Variants in MECOM observed in about 807,000 individuals in gnomAD.
MECOM encodes MDS1 and EVI1 complex locus.
In MECOM, 13 loss-of-function variants were observed where a neutral mutation model predicts 116.3. The ratio of observed to expected loss-of-function variants is 0.11; its 90% CI spans 0.07 to 0.18. The LOEUF (loss-of-function observed/expected upper bound fraction) is 0.18, where lower values mean the gene tolerates loss of function less well. Among genes scored for constraint, MECOM ranks in the 10% least tolerant of loss-of-function variants. The pLI is 1.00. For synonymous variants in MECOM, 528 were observed against 535.2 expected, an observed-to-expected ratio of 0.99 and a Z score of 0.19; for missense variants, 1,299 against 1,509.0, an observed-to-expected ratio of 0.86 and a Z score of 2.31.
chr3:169,318,295 T>G (rs1720141391), intron 2 of MECOM, among the ~76,000 whole-genome samples: 1 of 152,046 alleles, frequency 6.6e-6, no homozygotes, highest in Non-Finnish European at 1.5e-5. Context: ...CTAAAGAGCT[T>G]CTGCACAGCA....
intron 1 of MECOM, among the ~76,000 whole-genome samples, chr3:169,416,584 C>G (rs1193811749): frequency 6.6e-6 from 1 of 151,206 alleles, no homozygotes; most frequent in African/African-American, 2.4e-5. Context: ...TCAATGAATC[C>G]AGGAGCTGTT....
chr3:169,298,983 A>C (rs1163268040), intron 2 of MECOM, among the ~76,000 whole-genome samples: 1 of 152,228 alleles, frequency 6.6e-6, no homozygotes, highest in Non-Finnish European at 1.5e-5. Flanking sequence ...CATGGATATA[A>C]GATTCTGGGA....
At chr3:169,502,696 G>A (rs1464419963) in intron 1 of MECOM, among the ~76,000 whole-genome samples, 1 of 152,030 alleles carries the variant, frequency 6.6e-6, no homozygotes, top group East Asian at 1.9e-4. Context: ...TTTTCCAATG[G>A]TAAAAATGGC....
chr3:169,316,365 A>G (rs999152907), intron 2 of MECOM, among the ~76,000 whole-genome samples: 4 of 152,224 alleles, frequency 2.6e-5, no homozygotes, highest in Admixed American at 1.3e-4. Flanking sequence ...CCCAGATACT[A>G]AACAGTTTCA....
chr3:169,122,431 G>A (rs1731338861), intron 6 of MECOM, 149 bp downstream of exon 6: 1 of 823,914 alleles, frequency 1.2e-6, no homozygotes, highest in Non-Finnish European at 1.9e-6. Flanking sequence ...CTCTACTAAT[G>A]CCTTTTAGCA....
chr3:169,234,416 G>A (rs1753778728), intron 2 of MECOM, among the ~76,000 whole-genome samples: 1 of 151,414 alleles, frequency 6.6e-6, no homozygotes. Context: ...AGCAAATGAT[G>A]GAAAGAGAAA....
chr3:169,404,485 C>T (rs981223504), intron 1 of MECOM, among the ~76,000 whole-genome samples: 4 of 152,156 alleles, frequency 2.6e-5, no homozygotes, highest in African/African-American at 9.7e-5. Flanking sequence ...ACAAACCCAG[C>T]CAAACATAAA....
intron 1 of MECOM, among the ~76,000 whole-genome samples, chr3:169,619,225 C>G (rs900029264): frequency 6.6e-6 from 1 of 152,226 alleles, no homozygotes; most frequent in African/African-American, 2.4e-5. Flanking sequence ...GGCCGCAGCG[C>G]ATCCCCAGTC....
intron 1 of MECOM, among the ~76,000 whole-genome samples, chr3:169,461,426 T>C (rs1341857649): frequency 1.3e-5 from 2 of 152,186 alleles, no homozygotes; most frequent in South Asian, 4.1e-4. Context: ...TGAAGAACTC[T>C]AGAATTTTAG....
intron 2 of MECOM, among the ~76,000 whole-genome samples, chr3:169,175,103 A>G (rs1744951696): frequency 6.6e-6 from 1 of 152,144 alleles, no homozygotes; most frequent in Non-Finnish European, 1.5e-5. Flanking sequence ...ACAATTTTCA[A>G]GTTACCCAAC....
At chr3:169,541,855 C>T (rs1236302423) in intron 1 of MECOM, among the ~76,000 whole-genome samples, 1 of 152,198 alleles carries the variant, frequency 6.6e-6, no homozygotes, top group Non-Finnish European at 1.5e-5. Flanking sequence ...ACTTTTCCTA[C>T]CCTCAGAATT....
rs10576266 is a variant in MECOM, at chr3:169,180,794, G to GATATATAT, written c.376-36970_376-36963dup. Among the ~76,000 whole-genome samples, 236 of 108,778 alleles carry GATATATAT rather than the reference G, an allele frequency of 2.2e-3. 14 individuals carry two copies. The highest frequency in any genetic ancestry group is 8.2e-3 in the Middle Eastern group (2 of 244). The allele number at this position is 108,778 out of a possible 152,430, so 71.4% of individuals were successfully genotyped here. ...TATGTATGTGTGTGTGTGTGGAGAT[G>GATATATAT]ATATATATATATATATATATCAGGC... On this transcript the variant is annotated intron_variant, in intron 2 of 16. Transcript: ENST00000651503.
At chr3:169,492,932 C>T (rs964397782) in intron 1 of MECOM, among the ~76,000 whole-genome samples, 1 of 152,158 alleles carries the variant, frequency 6.6e-6, no homozygotes, top group East Asian at 1.9e-4. Flanking sequence ...GGCACTCCAG[C>T]CTCGAAGACA....
At chr3:169,369,293 C>T (rs930702442) in intron 2 of MECOM, among the ~76,000 whole-genome samples, 1 of 150,416 alleles carries the variant, frequency 6.6e-6, no homozygotes, top group African/African-American at 2.4e-5. Flanking sequence ...AAACCAGAGA[C>T]AGTCCATGGT....
chr3:169,608,829 G>A (rs970302031), intron 1 of MECOM, among the ~76,000 whole-genome samples: 2 of 152,214 alleles, frequency 1.3e-5, no homozygotes, highest in African/African-American at 4.8e-5. Context: ...TTTTTAGCCA[G>A]AGTTGTTGCA....
intron 1 of MECOM, among the ~76,000 whole-genome samples, chr3:169,597,935 G>T (rs1269205764): frequency 6.6e-6 from 1 of 152,132 alleles, no homozygotes; most frequent in African/African-American, 2.4e-5. Context: ...TCAAATTCAG[G>T]ATATCTACAA....
At chr3:169,158,113 A>T (rs550494394) in intron 2 of MECOM, among the ~76,000 whole-genome samples, 1 of 152,310 alleles carries the variant, frequency 6.6e-6, no homozygotes, top group Non-Finnish European at 1.5e-5. Flanking sequence ...AATTTCTCAA[A>T]AAAAGTGTTG....
chr3:169,388,619 A>G (rs1038219327), intron 1 of MECOM, among the ~76,000 whole-genome samples: 2 of 152,232 alleles, frequency 1.3e-5, no homozygotes, highest in Non-Finnish European at 1.5e-5. Context: ...AAACAGAGAC[A>G]TTGAATAGAA....
At chr3:169,175,837 G>T (rs9833657) in intron 2 of MECOM, among the ~76,000 whole-genome samples, 16,463 of 152,090 alleles carry the variant, frequency 0.11, 1,987 homozygotes, top group African/African-American at 0.3. Flanking sequence ...TTCTATGGCA[G>T]ACCCTCATGC....
Sources: allele counts gnomAD v4.1 joint callset (sites outside exome capture counted in the v4.1 genomes callset), GRCh38; gene constraint gnomAD v4.1.1; transcripts MANE v1.5; gene names NCBI Gene and HGNC (gene_info 2026-07-23, HGNC 2026-07-21).